Variants in ALG14 observed in about 807,000 individuals in gnomAD.
ALG14 encodes ALG14 UDP-N-acetylglucosaminyltransferase subunit.
Under a neutral mutation model 22.8 loss-of-function variants are expected in ALG14, and 17 were observed. That is an observed-to-expected ratio of 0.75 (90% CI 0.51 to 1.12). The LOEUF is 1.12. Ranked by LOEUF, ALG14 falls within the 50% of genes most tolerant of loss-of-function variation. The probability of loss-of-function intolerance (pLI) is 0.00; values close to 1 mark genes in which losing one functional copy is unlikely to be tolerated. For missense variants in ALG14, 288 were observed against 271.8 expected, an observed-to-expected ratio of 1.06 and a Z score of -0.42; for synonymous variants, 89 against 103.7, an observed-to-expected ratio of 0.86 and a Z score of 0.86.
chr1:95,001,561 TC>T (rs1164494114), intron 3 of ALG14, among the ~76,000 whole-genome samples: 9 of 152,226 alleles, frequency 5.9e-5, no homozygotes, highest in African/African-American at 2.2e-4. Context: ...AGTGGTGCCA[TC>T]TCTGCTCACT....
intron 3 of ALG14, among the ~76,000 whole-genome samples, chr1:95,003,455 T>G (rs1673120724): frequency 6.6e-6 from 1 of 151,344 alleles, no homozygotes; most frequent in Non-Finnish European, 1.5e-5. Context: ...TCATTCTTTT[T>G]TTTTTTTTTT....
chr1:94,993,665 T>C (rs942931111), intron 3 of ALG14, among the ~76,000 whole-genome samples: 5 of 152,124 alleles, frequency 3.3e-5, no homozygotes, highest in African/African-American at 1.2e-4. Flanking sequence ...GGTGAACAAG[T>C]CTGATGACAC....
chr1:94,985,194 A>G (rs1672610794), intron 3 of ALG14, among the ~76,000 whole-genome samples: 1 of 115,090 alleles, frequency 8.7e-6, no homozygotes, highest in Non-Finnish European at 1.7e-5. Flanking sequence ...TCAGGGTTCT[A>G]TAACTCTACA....
chr1:94,999,152 T>C (rs546434629), intron 3 of ALG14, among the ~76,000 whole-genome samples: 10 of 151,996 alleles, frequency 6.6e-5, no homozygotes, highest in Non-Finnish European at 1.5e-4. Flanking sequence ...TGAAACATCC[T>C]TATAAAAAGC....
intron 3 of ALG14, among the ~76,000 whole-genome samples, chr1:95,012,204 G>A (rs141592844): frequency 3.9e-5 from 6 of 152,232 alleles, no homozygotes; most frequent in African/African-American, 9.6e-5. Context: ...TATAAATTAC[G>A]CAGTCTCAGA....
At chr1:95,055,873 G>A (rs1674911696) in intron 2 of ALG14, among the ~76,000 whole-genome samples, 1 of 148,680 alleles carries the variant, frequency 6.7e-6, no homozygotes, top group African/African-American at 2.5e-5. Context: ...AGCCAGGCGT[G>A]GTGGCGGGTG....
Position 95,036,716 on chromosome 1 carries a change from C to T in ALG14, c.289-9456G>A, listed in dbSNP as rs932635099. ...TGCTGGGATTAAGGGCGTGAGCCAC[C>T]GCGCCTGGCCCAAGCTTCTTTTCTT... is the stretch of plus-strand genomic sequence containing the variant. On this transcript the variant is annotated intron_variant, in intron 2 of 3. Coordinates refer to ENST00000370205, the MANE Select transcript of ALG14 (RefSeq NM_144988.4). 5.9e-5 allele frequency among the ~76,000 whole-genome samples: 9 copies of T among 152,152 alleles called. No homozygotes were observed. The East Asian group carries it at 1.6e-3, about 26-fold the overall frequency.
At chr1:94,990,259 A>AG in intron 3 of ALG14, among the ~76,000 whole-genome samples, 1 of 152,188 alleles carries the variant, frequency 6.6e-6, no homozygotes, top group East Asian at 1.9e-4. Flanking sequence ...GCAGTTGCTG[A>AG]ATGTCAGCGA....
At chr1:95,029,258 C>A (rs1181396466) in intron 2 of ALG14, among the ~76,000 whole-genome samples, 1 of 152,160 alleles carries the variant, frequency 6.6e-6, no homozygotes, top group African/African-American at 2.4e-5. Flanking sequence ...TAGTTCCTTG[C>A]CAAATGGATC....
chr1:94,989,681 G>A (rs1395962763), intron 3 of ALG14, among the ~76,000 whole-genome samples: 2 of 152,194 alleles, frequency 1.3e-5, no homozygotes, highest in Non-Finnish European at 2.9e-5. Flanking sequence ...AACCAGCTCT[G>A]TGGCCATAGA....
At chr1:95,059,787 T>G (rs1675070973) in intron 2 of ALG14, among the ~76,000 whole-genome samples, 1 of 151,988 alleles carries the variant, frequency 6.6e-6, no homozygotes, top group Non-Finnish European at 1.5e-5. Context: ...AGGGACCAAA[T>G]TTTAAATTTT....
chr1:95,009,217 T>C (rs1673298700), intron 3 of ALG14, among the ~76,000 whole-genome samples: 2 of 150,016 alleles, frequency 1.3e-5, no homozygotes, highest in South Asian at 4.2e-4. Flanking sequence ...TTTATATTTA[T>C]AAAATATTAT....
intron 1 of ALG14, among the ~76,000 whole-genome samples, chr1:95,066,169 G>T (rs1022676570): frequency 6.6e-6 from 1 of 152,014 alleles, no homozygotes; most frequent in Non-Finnish European, 1.5e-5. Flanking sequence ...AGTGATACAA[G>T]AACACAAACA....
intron 2 of ALG14, among the ~76,000 whole-genome samples, chr1:95,047,454 T>C (rs935256410): frequency 7.2e-5 from 11 of 152,072 alleles, no homozygotes; most frequent in African/African-American, 2.7e-4. Context: ...GTGATTCTCC[T>C]GGCCTCAGCC....
At chr1:94,986,246 A>C (rs1319235545) in intron 3 of ALG14, among the ~76,000 whole-genome samples, 1 of 152,224 alleles carries the variant, frequency 6.6e-6, no homozygotes, top group Non-Finnish European at 1.5e-5. Flanking sequence ...ACTACTCTGT[A>C]AGCTCCTTAT....
At chr1:95,039,947 C>T (rs772103869) in intron 2 of ALG14, among the ~76,000 whole-genome samples, 1 of 151,866 alleles carries the variant, frequency 6.6e-6, no homozygotes, top group Non-Finnish European at 1.5e-5. Flanking sequence ...CCGAGGTGGG[C>T]GGATCACTTG....
intron 3 of ALG14, among the ~76,000 whole-genome samples, chr1:95,010,946 T>C (rs1673344872): frequency 6.6e-6 from 1 of 152,192 alleles, no homozygotes; most frequent in African/African-American, 2.4e-5. Context: ...CCAAAGTTCT[T>C]CATTATACAA....
intron 2 of ALG14, 71 bp from the exon 3 acceptor site, chr1:95,027,331 C>T: frequency 1.3e-6 from 2 of 1,544,758 alleles, no homozygotes; most frequent in Non-Finnish European, 1.8e-6. Flanking sequence ...TAACAATTAA[C>T]AGCTGTAGAA....
chr1:95,019,239 C>T (rs116098921), intron 3 of ALG14, among the ~76,000 whole-genome samples: 188 of 152,292 alleles, frequency 1.2e-3, no homozygotes, highest in Non-Finnish European at 1.8e-3. Flanking sequence ...ATTGCAAACA[C>T]GTGAAACTTA....
Sources: allele counts gnomAD v4.1 joint callset (sites outside exome capture counted in the v4.1 genomes callset), GRCh38; gene constraint gnomAD v4.1.1; transcripts MANE v1.5; gene names NCBI Gene and HGNC (gene_info 2026-07-23, HGNC 2026-07-21).